PATJ: variants seen among roughly 807,000 people sequenced by gnomAD.
The protein encoded by PATJ is PATJ crumbs cell polarity complex component, also known as inaD-like protein.
In PATJ, 190 loss-of-function variants were observed where a neutral mutation model predicts 224.9. That is an observed-to-expected ratio of 0.84 (90% CI 0.75 to 0.95). The LOEUF is 0.95. Ranked by LOEUF, PATJ falls within the 40% of genes least tolerant of loss-of-function variation. The pLI is 0.00. For synonymous variants in PATJ, 769 were observed against 820.3 expected (o/e 0.94, Z 1.07); for missense variants, 2,121 against 2,270.3 (o/e 0.93, Z 1.34).
At position 62,050,914 on chromosome 1, in the gene PATJ, G is replaced by A; in HGVS notation, c.4033-52G>A. ...CATTGAGTATCTGTACAATTCGAGG[G>A]AGTGTAAGTGAAGAATGACATCTTT... On this transcript the variant is annotated intron_variant, in intron 30 of 43. Coordinates refer to ENST00000642238, the MANE Select transcript of PATJ (RefSeq NM_001350145.3). 21 of 1,296,048 alleles carry A rather than the reference G, an allele frequency of 1.6e-5. No homozygotes were observed. In the South Asian group the frequency reaches 2.3e-4, roughly 14 times the overall value. 80.3% of individuals were successfully genotyped at this position (1,296,048 alleles called of 1,614,324 possible). A position where few individuals can be genotyped will look rare whatever the true frequency, so the allele number is the denominator to read the frequency against.
intron 33 of PATJ, among the ~76,000 whole-genome samples, chr1:62,087,103 C>T (rs1244743802): frequency 6.6e-6 from 1 of 151,926 alleles, no homozygotes; most frequent in Admixed American, 6.6e-5. Context: ...AAGCTCCTGT[C>T]CGGCGTCCGA....
At chr1:62,143,507 A>G (rs893579032) in intron 41 of PATJ, among the ~76,000 whole-genome samples, 1 of 120,858 alleles carries the variant, frequency 8.3e-6, no homozygotes, top group African/African-American at 3.3e-5. Flanking sequence ...CTGAAGTGCC[A>G]TGGCTTGATC....
intron 41 of PATJ, among the ~76,000 whole-genome samples, chr1:62,138,948 G>T (rs966026939): frequency 1.3e-5 from 2 of 151,982 alleles, no homozygotes; most frequent in African/African-American, 2.4e-5. Flanking sequence ...ACTCTGACCT[G>T]CATGTATTCA....
chr1:61,805,442 A>T lies in PATJ; in HGVS notation c.1550-6A>T. The T allele has an allele frequency of 1.3e-6, 2 of 1,575,760 alleles. No homozygotes were observed. Among genetic ancestry groups the T allele is most frequent in the East Asian group, 2.2e-5 (1 of 44,656 alleles). ...CTCGCTCTCTCTCTTTTTTTTTAAT[A>T]TCCAGAAAAAGTCCCAGACTCTCCA... On this transcript the variant is annotated splice_region_variant and splice_polypyrimidine_tract_variant and intron_variant, in intron 12 of 43. Transcript: ENST00000642238.
intron 31 of PATJ, among the ~76,000 whole-genome samples, chr1:62,053,978 C>T (rs1290868353): frequency 1.3e-5 from 2 of 152,122 alleles, no homozygotes; most frequent in African/African-American, 4.8e-5. Flanking sequence ...CTCATGGACT[C>T]ATTCCACAGT....
intron 29 of PATJ, among the ~76,000 whole-genome samples, chr1:62,019,063 C>A: frequency 6.6e-6 from 1 of 151,890 alleles, no homozygotes; most frequent in East Asian, 1.9e-4. Context: ...GCCAACATGG[C>A]GAAACCCTGT....
chr1:61,895,661 A>T (rs61770460), intron 22 of PATJ, among the ~76,000 whole-genome samples: 2 of 150,100 alleles, frequency 1.3e-5, no homozygotes, highest in Non-Finnish European at 3.0e-5. Flanking sequence ...GCAGAAGTCA[A>T]CTCGGGCAGA....
rs186770830 is a variant in PATJ, at chr1:61,838,563, G to A, written c.2112+4778G>A. Among the ~76,000 whole-genome samples the A allele has an allele frequency of 8.2e-3, 1,214 of 148,868 alleles. 23 individuals carry two copies. The highest frequency in any genetic ancestry group is 0.029 in the African/African-American group (1,152 of 40,156). Reference sequence around the variant, plus strand: ...TTTTTTGTATTTTTAGTAGAGACGGGGTTTCACCGTGTTAGCCAGGATGGT... The same window carrying A: ...TTTTTTGTATTTTTAGTAGAGACGGAGTTTCACCGTGTTAGCCAGGATGGT... On this transcript the variant is annotated intron_variant, in intron 17 of 43. Transcript: ENST00000642238.
intron 16 of PATJ, among the ~76,000 whole-genome samples, chr1:61,831,187 CAAA>C (rs545292546): frequency 3.1e-5 from 2 of 65,274 alleles, no homozygotes; most frequent in Non-Finnish European, 6.5e-5. Flanking sequence ...GACTCTGTCT[CAAA>C]AAAAAAAAAA....
chr1:61,937,436 A>G (rs1227143904), intron 27 of PATJ, among the ~76,000 whole-genome samples: 1 of 152,132 alleles, frequency 6.6e-6, no homozygotes. Context: ...AAAAATATAG[A>G]GTGCCATACT....
chr1:62,072,370 G>C (rs1252907947), intron 31 of PATJ: 2 of 152,010 alleles, frequency 1.3e-5, no homozygotes, highest in Non-Finnish European at 2.9e-5. Context: ...TTTGAGCCCT[G>C]AACAGATAGT....
intron 27 of PATJ, among the ~76,000 whole-genome samples, chr1:61,985,042 G>T (rs1644668527): frequency 1.3e-5 from 2 of 152,074 alleles, no homozygotes; most frequent in Non-Finnish European, 2.9e-5. Flanking sequence ...GCCAGGCATG[G>T]TGGCTCACGC....
chr1:61,914,538 A>C, intron 25 of PATJ, 49 bp from the exon 26 acceptor site: 2 of 848,930 alleles, frequency 2.4e-6, no homozygotes, highest in Non-Finnish European at 3.8e-6. Flanking sequence ...AGGAATGATT[A>C]TGTCGTTTAA....
At chr1:62,024,694 ACACACACAC>A (rs1647483616) in intron 29 of PATJ, among the ~76,000 whole-genome samples, 1 of 137,658 alleles carries the variant, frequency 7.3e-6, no homozygotes, top group Non-Finnish European at 1.6e-5. Context: ...ACACACACAC[ACACACACAC>A]ACACACACAC....
chr1:62,125,291 ATAGT>A (rs1008912579), intron 39 of PATJ, among the ~76,000 whole-genome samples: 22 of 149,848 alleles, frequency 1.5e-4, no homozygotes, highest in Non-Finnish European at 1.9e-4. Context: ...TAGCTCTATA[ATAGT>A]TAGCAACTCA....
intron 28 of PATJ, among the ~76,000 whole-genome samples, chr1:62,006,420 A>G (rs1646101941): frequency 6.6e-6 from 1 of 152,256 alleles, no homozygotes; most frequent in Non-Finnish European, 1.5e-5. Flanking sequence ...TCAGCCCAGT[A>G]TAAATTTCTA....
intron 27 of PATJ, among the ~76,000 whole-genome samples, chr1:61,974,405 CTTTTTTTTTTTT>C (rs149825131): frequency 1.6e-5 from 1 of 64,240 alleles, no homozygotes; most frequent in South Asian, 8.3e-4. Flanking sequence ...CTCTCTCTCT[CTTTTTTTTTTTT>C]TTTTTTTTTT....
In PATJ at chr1:61,795,569, C is replaced by G. The variant is rs370326968; in HGVS notation, c.1260+11C>G. On this transcript the variant is annotated intron_variant, in intron 10 of 43. Transcript: ENST00000642238. ...GACAAAATAGTTGCTGTAAGTAACT[C>G]GCCTCTGTTTTAGGTTTGATTCTAG... 1 of 1,547,782 alleles carries G rather than the reference C, an allele frequency of 6.5e-7. No homozygotes were observed. Among genetic ancestry groups the G allele is most frequent in the South Asian group, 1.1e-5 (1 of 88,790 alleles).
chr1:61,771,613 C>T lies in PATJ; in HGVS notation c.707C>T (p.Thr236Ile). 2 of 1,586,294 alleles carry T rather than the reference C, an allele frequency of 1.3e-6. No homozygotes were observed. Among genetic ancestry groups the T allele is most frequent in the Non-Finnish European group, 8.5e-7 (1 of 1,171,384 alleles). The change falls in exon 6 of 44, where the codon ACT becomes ATT. Residue 236 changes from threonine (T) to isoleucine (I), a missense_variant. Physicochemically the swap from Thr to Ile is moderately conservative, Grantham distance 89. Transcript: ENST00000642238. The stretch of plus-strand genomic sequence containing the variant: ...ACTTCTAGCAGCCTAAATGATACAA[C>T]TCTGCCTGAAACAGTGAGTTGCAAA... ...SSTSSSLNDTTLPETVCWGHV... is the reference protein window; with the variant it reads ...SSTSSSLNDTILPETVCWGHV...
Sources: allele counts gnomAD v4.1 joint callset (sites outside exome capture counted in the v4.1 genomes callset), GRCh38; gene constraint gnomAD v4.1.1; transcripts MANE v1.5; gene names NCBI Gene and HGNC (gene_info 2026-07-23, HGNC 2026-07-21).